The following EFCAB11 variants were observed in gnomAD, a reference collection of about 807,000 sequenced individuals.
The protein encoded by EFCAB11 is EF-hand calcium binding domain 11.
In EFCAB11, 14 loss-of-function variants were observed where a neutral mutation model predicts 23.0. That is an observed-to-expected ratio of 0.61 (90% CI 0.40 to 0.95). EFCAB11 has a LOEUF of 0.95. Among genes scored for constraint, EFCAB11 ranks in the 40% least tolerant of loss-of-function variants. The pLI is 0.00. For missense variants in EFCAB11, 198 were observed against 195.8 expected (o/e 1.01, Z -0.07); for synonymous variants, 65 against 66.6 (o/e 0.98, Z 0.11).
At chr14:89,865,411 C>T (rs972304320) in intron 5 of EFCAB11, among the ~76,000 whole-genome samples, 1 of 152,082 alleles carries the variant, frequency 6.6e-6, no homozygotes, top group African/African-American at 2.4e-5. Context: ...TAGAGACTGA[C>T]ATATGAGTCC....
At chr14:89,810,892 A>G (rs969602991) in intron 5 of EFCAB11, among the ~76,000 whole-genome samples, 2 of 152,148 alleles carry the variant, frequency 1.3e-5, no homozygotes, top group African/African-American at 2.4e-5. Context: ...AGTCCCTTTG[A>G]GCTTTTATCC....
intron 5 of EFCAB11, among the ~76,000 whole-genome samples, chr14:89,860,370 C>CAAACAAAA (rs746000562): frequency 1.4e-5 from 2 of 145,468 alleles, no homozygotes; most frequent in African/African-American, 5.6e-5. Flanking sequence ...CATCTCAAAA[C>CAAACAAAA]AAACAAACAA....
intron 5 of EFCAB11, among the ~76,000 whole-genome samples, chr14:89,818,195 G>A (rs146475032): frequency 6.6e-6 from 1 of 152,076 alleles, no homozygotes; most frequent in African/African-American, 2.4e-5. Context: ...AGTTACAGAA[G>A]GAAAAATATT....
chr14:89,874,652 C>T (rs559026219), intron 5 of EFCAB11, among the ~76,000 whole-genome samples: 1 of 152,288 alleles, frequency 6.6e-6, no homozygotes, highest in Admixed American at 6.5e-5. Context: ...AATCCCAGCA[C>T]TTTGGGAGGC....
intron 5 of EFCAB11, among the ~76,000 whole-genome samples, chr14:89,928,413 T>C (rs2139801746): frequency 6.6e-6 from 1 of 152,148 alleles, no homozygotes; most frequent in East Asian, 1.9e-4. Flanking sequence ...GGCTTAATAT[T>C]TTATAAGTGA....
At chr14:89,807,937 A>G (rs974151610) in intron 5 of EFCAB11, among the ~76,000 whole-genome samples, 4 of 152,226 alleles carry the variant, frequency 2.6e-5, no homozygotes, top group African/African-American at 9.6e-5. Flanking sequence ...ATGTCCAGAA[A>G]TATGTATATA....
Position 89,881,452 on chromosome 14 carries a change from C to CATATATATATATATATATATACATATAT in EFCAB11, c.410+50088_410+50089insATATATGTATATATATATATATATATAT, listed in dbSNP as rs10530483. On this transcript the variant is annotated intron_variant, in intron 5 of 5. Transcript: ENST00000316738. ...ATTTTTGGTCTACTTTATGACTTGG[C>CATATATATATATATATATATACATATAT]ATATATATATATATTCTTTTTTTTT... Among the ~76,000 whole-genome samples, 17 of 46,760 alleles carry CATATATATATATATATATATACATATAT rather than the reference C, an allele frequency of 3.6e-4. 1 individual carries two copies. The highest frequency in any genetic ancestry group is 1.2e-3 in the East Asian group (2 of 1,638). The allele number at this position is 46,760 out of a possible 152,430, so 30.7% of individuals were successfully genotyped here.
intron 5 of EFCAB11, among the ~76,000 whole-genome samples, chr14:89,902,258 A>G (rs908650764): frequency 3.3e-5 from 5 of 152,184 alleles, no homozygotes; most frequent in African/African-American, 1.2e-4. Flanking sequence ...CCTCAAAAAC[A>G]TCTTCCCTAA....
chr14:89,841,418 C>T lies in EFCAB11; in HGVS notation c.411-44094G>A, dbSNP rs969907785. On this transcript the variant is annotated intron_variant, in intron 5 of 5. Transcript: ENST00000316738. ...CTCTCTCCCCTACTGCCTTCATCTC[C>T]CCTCCCCCTCAACTACTCTCTTCTT... Among the ~76,000 whole-genome samples the T allele has an allele frequency of 5.9e-5, 9 of 151,464 alleles. No individual in the cohort carries two copies. The South Asian group carries it at 1.9e-3, about 32-fold the overall frequency.
chr14:89,879,383 T>C (rs1184994131), intron 5 of EFCAB11, among the ~76,000 whole-genome samples: 1 of 152,148 alleles, frequency 6.6e-6, no homozygotes, highest in Non-Finnish European at 1.5e-5. Flanking sequence ...ATGTTAGTGA[T>C]ATTATTAACT....
At chr14:89,945,930 T>TTA (rs1555378575) in intron 3 of EFCAB11, among the ~76,000 whole-genome samples, 6 of 151,638 alleles carry the variant, frequency 4.0e-5, no homozygotes, top group African/African-American at 1.5e-4. Context: ...TTTTTATTTT[T>TTA]TTTTTTGAGA....
Position 89,953,891 on chromosome 14 carries a change from A to G in EFCAB11, c.171+15T>C, listed in dbSNP as rs760312283. On this transcript the variant is annotated intron_variant, in intron 2 of 5. Coordinates refer to ENST00000316738, the MANE Select transcript of EFCAB11 (RefSeq NM_145231.4). Reference sequence around the variant, plus strand: ...GATCGTCTACCCCATCCCCAAATATATAAGAAAGCTCTACCTTGGAGGGCT... The same window carrying G: ...GATCGTCTACCCCATCCCCAAATATGTAAGAAAGCTCTACCTTGGAGGGCT... The G allele has an allele frequency of 6.2e-6, 10 of 1,608,034 alleles. No homozygotes were observed. In the East Asian group the frequency reaches 8.9e-5, roughly 14 times the overall value.
intron 5 of EFCAB11, among the ~76,000 whole-genome samples, chr14:89,928,756 AT>A (rs1269115188): frequency 6.8e-6 from 1 of 146,786 alleles, no homozygotes; most frequent in Non-Finnish European, 1.5e-5. Context: ...TATTAATTAT[AT>A]AATTATATAT....
At chr14:89,953,678 T>C (rs1891283758) in intron 2 of EFCAB11, among the ~76,000 whole-genome samples, 1 of 152,222 alleles carries the variant, frequency 6.6e-6, no homozygotes, top group Non-Finnish European at 1.5e-5. Context: ...ATAGTAGTTA[T>C]TAGCAGCCTG....
rs1442657793 is a variant in EFCAB11, at chr14:89,860,641, TGGA to T, written c.411-63320_411-63318del. On this transcript the variant is annotated intron_variant, in intron 5 of 5. Transcript: ENST00000316738. The stretch of plus-strand genomic sequence containing the variant: ...ATAAGCTTATAGAAAACATTAGTTT[TGGA>T]ATCTGAATCAATGACCCAGAAATAA... Among the ~76,000 whole-genome samples the T allele has an allele frequency of 2.0e-5, 3 of 152,360 alleles. No homozygotes were observed. In the East Asian group the frequency reaches 5.8e-4, roughly 29 times the overall value.
chr14:89,839,902 G>GC (rs1321710937), intron 5 of EFCAB11, among the ~76,000 whole-genome samples: 1 of 152,010 alleles, frequency 6.6e-6, no homozygotes, highest in East Asian at 1.9e-4. Context: ...ATTAGAAACC[G>GC]CCCCCATGAA....
chr14:89,853,641 A>G (rs1887662109), intron 5 of EFCAB11, among the ~76,000 whole-genome samples: 1 of 152,220 alleles, frequency 6.6e-6, no homozygotes, highest in Non-Finnish European at 1.5e-5. Flanking sequence ...AATATTAAAT[A>G]AAAGGGATAC....
At chr14:89,908,205 A>G (rs1889557017) in intron 5 of EFCAB11, among the ~76,000 whole-genome samples, 1 of 152,242 alleles carries the variant, frequency 6.6e-6, no homozygotes, top group East Asian at 1.9e-4. Flanking sequence ...TTAAGTCTAG[A>G]CACCATAATA....
chr14:89,794,806 T>C lies in EFCAB11; in HGVS notation c.*2437A>G, dbSNP rs1043174967. On this transcript the variant is annotated 3_prime_UTR_variant, in exon 6 of 6. Coordinates refer to ENST00000316738, the MANE Select transcript of EFCAB11 (RefSeq NM_145231.4). ...TAATTTTAGAATAGTTTTAGATTTA[T>C]AGAAAAATTGTGAAAATAGTAGAGG... 1.3e-5 allele frequency: 2 copies of C among 152,170 alleles called. No homozygotes were observed. The highest frequency in any genetic ancestry group is 4.8e-5 in the African/African-American group (2 of 41,448). The allele number at this position is 152,170 out of a possible 1,614,324, so 9.4% of individuals were successfully genotyped here. A position where few individuals can be genotyped will look rare whatever the true frequency, so the allele number is the denominator to read the frequency against.
Sources: allele counts gnomAD v4.1 joint callset (sites outside exome capture counted in the v4.1 genomes callset), GRCh38; gene constraint gnomAD v4.1.1; transcripts MANE v1.5; gene names NCBI Gene and HGNC (gene_info 2026-07-23, HGNC 2026-07-21).